The following PMS2 variants were observed in gnomAD, a reference collection of about 807,000 sequenced individuals.
The protein encoded by PMS2 is PMS1 homolog 2, mismatch repair system component.
PMS2 carries 69 observed loss-of-function variants against 90.0 expected under a neutral mutation model. The ratio of observed to expected loss-of-function variants is 0.77; its 90% CI spans 0.63 to 0.94. PMS2 has a LOEUF of 0.94. PMS2 is among the 40% of genes least tolerant of loss of function. The pLI, the probability that PMS2 is intolerant of heterozygous loss-of-function variation, is 0.00. For missense variants in PMS2, 966 were observed against 1,040.2 expected (o/e 0.93, Z 0.98); for synonymous variants, 332 against 375.1 (o/e 0.89, Z 1.33).
At position 6,003,978 on chromosome 7, in the gene PMS2, C is replaced by T. The variant is rs754191682; in HGVS notation, c.244G>A (p.Gly82Ser). ...GCGVEEENFE[G>S]LTLKHHTSKI... ...TTAGAAAAAGTCAACTTACTTAAGC[C>T]TTCGAAGTTTTCTTCTTCTACCCCA... is the stretch of plus-strand genomic sequence containing the variant. The change falls in exon 3 of 15, where the codon GGC becomes AGC. Residue 82 changes from glycine (G) to serine (S), a missense_variant. Physicochemically the swap from Gly to Ser is moderately conservative, Grantham distance 56 (BLOSUM62 0). This residue lies in a region of PMS2 where 871 missense variants were observed against 802.4 expected (regional missense o/e 1.09). Transcript: ENST00000265849. The T allele has an allele frequency of 3.1e-6, 5 of 1,590,540 alleles. No homozygotes were observed. The highest frequency in any genetic ancestry group is 1.1e-5 in the South Asian group (1 of 90,542).
At chr7:5,989,712 C>T (rs2128746177) in intron 10 of PMS2, 88 bp downstream of exon 10, 1 of 971,540 alleles carries the variant, frequency 1.0e-6, no homozygotes, top group Non-Finnish European at 1.6e-6. Flanking sequence ...ACTTTGTTTT[C>T]ATGTCAAAAA....
Position 6,002,776 on chromosome 7 carries a change from G to A in PMS2, c.354-140C>T, listed in dbSNP as rs1785249645. The A allele has an allele frequency of 4.0e-6, 3 of 752,268 alleles. No individual in the cohort carries two copies. The East Asian group carries it at 7.5e-5, about 19-fold the overall frequency. The allele number at this position is 752,268 out of a possible 1,614,324, so 46.6% of individuals were successfully genotyped here. ...CCTCTGAGATAATCAAGATCTAAAT[G>A]GTTGAGGAGTCATCATAAAATCTAA... On this transcript the variant is annotated intron_variant, in intron 4 of 14. Transcript: ENST00000265849.
In PMS2 at chr7:5,991,282, G is replaced by C. The variant is rs1050542559; in HGVS notation, c.988+691C>G. On this transcript the variant is annotated intron_variant, in intron 9 of 14. Coordinates refer to ENST00000265849, the MANE Select transcript of PMS2 (RefSeq NM_000535.7). ...CCAAAGAATATGGGAGTAGGGGAGA[G>C]AGAGAGAAAGAGAGAGAGGACAGAA... Among the ~76,000 whole-genome samples, 7 of 151,782 alleles carry C rather than the reference G, an allele frequency of 4.6e-5. No homozygotes were observed. In the East Asian group the frequency reaches 9.7e-4, roughly 21 times the overall value.
Position 5,978,707 on chromosome 7 carries a change from C to T in PMS2, c.2175-11G>A, listed in dbSNP as rs538914402. On this transcript the variant is annotated splice_polypyrimidine_tract_variant and intron_variant, in intron 12 of 14. Transcript: ENST00000265849. ...TTGAGAGTCTGAGGTCTGAAAAACA[C>T]AAAAATGATTCAAACCATATCCTGA... 1 of 1,561,532 alleles carries T rather than the reference C, an allele frequency of 6.4e-7. No individual in the cohort carries two copies. The highest frequency in any genetic ancestry group is 8.8e-7 in the Non-Finnish European group (1 of 1,135,790).
In PMS2 at chr7:5,987,056, T is replaced by A. The variant is rs2128724896; in HGVS notation, c.1709A>T (p.Asn570Ile). The A allele has an allele frequency of 6.2e-7, 1 of 1,614,184 alleles. No individual in the cohort carries two copies. The highest frequency in any genetic ancestry group is 8.5e-7 in the Non-Finnish European group (1 of 1,180,038). ...CKFRVLPQPT[N>I]LATPNTKRFK... ...ACGCTTTGTGTTTGGGGTTGCGAGA[T>A]TAGTTGGCTGAGGCAAAACTCGAAA... The change falls in exon 11 of 15, where the codon AAT becomes ATT. Residue 570 changes from asparagine to isoleucine, a missense_variant. By Grantham distance (149) the Asn-to-Ile change is moderately radical. Around this residue, in one of 2 missense-constraint regions of PMS2, gnomAD observed 871 missense variants for 802.4 expected, o/e 1.09. Coordinates refer to ENST00000265849, the MANE Select transcript of PMS2 (RefSeq NM_000535.7).
chr7:6,005,132 T>C (rs1222761799), intron 2 of PMS2, among the ~76,000 whole-genome samples: 1 of 152,114 alleles, frequency 6.6e-6, no homozygotes, highest in Non-Finnish European at 1.5e-5. Flanking sequence ...CTAGAACTCC[T>C]GACCTCAAAT....
rs1583319929 is a variant in PMS2 at position 5,987,316 on chromosome 7, G to C, written c.1449C>G (p.Asp483Glu). The C allele has an allele frequency of 6.2e-7, 1 of 1,614,114 alleles. No homozygotes were observed. Residue 483 changes from aspartate to glutamate, a missense_variant, in exon 11 of 15, where the codon GAC (aspartate) becomes GAG (glutamate). Physicochemically the swap from Asp to Glu is conservative, Grantham distance 45 (BLOSUM62 2). Around this residue, in one of 2 missense-constraint regions of PMS2, gnomAD observed 871 missense variants for 802.4 expected, o/e 1.09. Transcript: ENST00000265849. The part of the protein sequence containing the change: ...EAVSSSHGPS[D>E]PTDRAEVEKD... Reference sequence around the variant, plus strand: ...TCTCCACCTCCGCTCTGTCCGTAGGGTCACTGGGTCCGTGACTGGAACTCA... The same window carrying C: ...TCTCCACCTCCGCTCTGTCCGTAGGCTCACTGGGTCCGTGACTGGAACTCA...
intron 4 of PMS2, among the ~76,000 whole-genome samples, chr7:6,003,018 G>C (rs544163595): frequency 5.0e-4 from 76 of 152,234 alleles, no homozygotes; most frequent in African/African-American, 1.7e-3. Flanking sequence ...GTAGGGCAGA[G>C]CGTGGTGGCT....
intron 6 of PMS2, among the ~76,000 whole-genome samples, chr7:5,998,701 A>G (rs1321917714): frequency 1.4e-4 from 21 of 146,986 alleles, no homozygotes; most frequent in Non-Finnish European, 1.5e-5. Flanking sequence ...CTCAAAAAAA[A>G]AAAAAACCGG....
chr7:5,994,376 A>G (rs1394702400), intron 8 of PMS2, among the ~76,000 whole-genome samples: 1 of 151,740 alleles, frequency 6.6e-6, no homozygotes, highest in African/African-American at 2.4e-5. Context: ...GCGAGACTCC[A>G]TCTCAAAAAA....
intron 7 of PMS2, among the ~76,000 whole-genome samples, chr7:5,996,757 G>T (rs1240374811): frequency 6.6e-6 from 1 of 151,818 alleles, no homozygotes; most frequent in African/African-American, 2.4e-5. Flanking sequence ...TAATTTACAA[G>T]TTAGTCTAAC....
At chr7:5,978,202 TA>T (rs1300672217) in intron 13 of PMS2, among the ~76,000 whole-genome samples, 5 of 150,130 alleles carry the variant, frequency 3.3e-5, no homozygotes, top group Admixed American at 2.0e-4. Flanking sequence ...TTTATAAAAT[TA>T]AAAAAAACTG....
At position 5,999,194 on chromosome 7, in the gene PMS2, C is replaced by T. The variant is rs368847322; in HGVS notation, c.619G>A (p.Gly207Arg). The change falls in exon 6 of 15, where the codon GGA (glycine) becomes AGA (arginine). Residue 207 changes from glycine to arginine, a missense_variant. Physicochemically the swap from Gly to Arg is moderately radical, Grantham distance 125. This residue lies in a region of PMS2 where 871 missense variants were observed against 802.4 expected (regional missense o/e 1.09). Transcript: ENST00000265849. ...GIRVSCTNQLGQGKRQPVVCT... is the reference protein window; with the variant it reads ...GIRVSCTNQLRQGKRQPVVCT... ...ACCACAGGCTGTCGTTTTCCTTGTC[C>T]AAGCTGATTGGTGCAACTTACACGG... is the stretch of plus-strand genomic sequence containing the variant. 6.2e-7 allele frequency: 1 copy of T among 1,614,054 alleles called. No homozygotes were observed. Among genetic ancestry groups the T allele is most frequent in the Admixed American group, 1.7e-5 (1 of 59,986 alleles).
intron 8 of PMS2, among the ~76,000 whole-genome samples, chr7:5,993,861 TCAAAAA>T (rs1562657018): frequency 7.5e-5 from 1 of 13,286 alleles, no homozygotes; most frequent in South Asian, 2.3e-3. Flanking sequence ...AGACTCTGTC[TCAAAAA>T]AAAAAAAAAA....
intron 11 of PMS2, 70 bp from the exon 12 acceptor site, chr7:5,983,061 G>A (rs1782481591): frequency 7.7e-6 from 12 of 1,557,308 alleles, no homozygotes; most frequent in African/African-American, 1.4e-5. Flanking sequence ...ATAGAACACT[G>A]TAATAAAAAA....
In PMS2 at chr7:5,992,097, A is replaced by G. The variant is rs776928841; in HGVS notation, c.904-40T>C. Reference sequence around the variant, plus strand: ...AGGAGTAGAAAAGAATAAATGACAAATGTTCCCAGCCCCCCGCATTCTAAC... The same window carrying G: ...AGGAGTAGAAAAGAATAAATGACAAGTGTTCCCAGCCCCCCGCATTCTAAC... On this transcript the variant is annotated intron_variant, in intron 8 of 14. Coordinates refer to ENST00000265849, the MANE Select transcript of PMS2 (RefSeq NM_000535.7). 7.7e-6 allele frequency: 8 copies of G among 1,045,096 alleles called. 1 individual carries two copies. In the South Asian group the frequency reaches 1.0e-4, roughly 13 times the overall value. The allele number at this position is 1,045,096 out of a possible 1,614,324, so 64.7% of individuals were successfully genotyped here.
At chr7:5,999,012 C>A (rs1183963617) in intron 6 of PMS2, 96 bp downstream of exon 6, 6 of 1,212,530 alleles carry the variant, frequency 4.9e-6, no homozygotes, top group Middle Eastern at 2.8e-4. Flanking sequence ...AAAATCAATT[C>A]TAAGATTTTA....
intron 9 of PMS2, among the ~76,000 whole-genome samples, chr7:5,991,564 G>A (rs1008430698): frequency 4.0e-5 from 6 of 151,700 alleles, no homozygotes; most frequent in African/African-American, 1.5e-4. Context: ...ATAGGGCCAG[G>A]CACGGTGGCT....
In PMS2 at chr7:5,995,289, G is replaced by A. The variant is rs149811798; in HGVS notation, c.903+245C>T. On this transcript the variant is annotated intron_variant, in intron 8 of 14. Coordinates refer to ENST00000265849, the MANE Select transcript of PMS2 (RefSeq NM_000535.7). ...TGGCCTCAGGCAATCCACCCGCCTC[G>A]GCCTCCCAAAGTGCTGGGATTACAG... is the stretch of plus-strand genomic sequence containing the variant. 5.7e-3 allele frequency among the ~76,000 whole-genome samples: 864 copies of A among 152,070 alleles called. 10 individuals are homozygous for A. Among genetic ancestry groups the A allele is most frequent in the African/African-American group, 0.02 (817 of 41,470 alleles).
Sources: gnomAD v4.1 joint callset for allele counts (sites outside exome capture counted in the v4.1 genomes callset) on GRCh38, gnomAD v4.1.1 for gene constraint, gnomAD v4.1.1 regional missense constraint, MANE v1.5 for transcripts, NCBI Gene and HGNC (gene_info 2026-07-23, HGNC 2026-07-21) for gene names.